CPS1: variants seen among roughly 807,000 people sequenced by gnomAD.
The protein encoded by CPS1 is carbamoyl-phosphate synthase 1, also known as carbamoyl-phosphate synthase [ammonia], mitochondrial.
In CPS1, 109 loss-of-function variants were observed where a neutral mutation model predicts 174.6. That is an observed-to-expected ratio of 0.62 (90% CI 0.53 to 0.73). The LOEUF is 0.73. Ranked by LOEUF, CPS1 falls within the 30% of genes least tolerant of loss-of-function variation. CPS1 has a pLI of 0.00. For missense variants in CPS1, 1,689 were observed against 1,821.9 expected (o/e 0.93, Z 1.33); for synonymous variants, 637 against 632.0 (o/e 1.01, Z -0.12).
intron 1 of CPS1, among the ~76,000 whole-genome samples, chr2:210,478,936 C>CCCT (rs1340384510): frequency 2.8e-5 from 1 of 35,140 alleles, no homozygotes; most frequent in African/African-American, 5.3e-5. Context: ...CTTCCCCCCT[C>CCCT]CCTTCCCTCC....
At chr2:210,669,307 A>G (rs964996561) in intron 34 of CPS1, among the ~76,000 whole-genome samples, 5 of 152,174 alleles carry the variant, frequency 3.3e-5, no homozygotes, top group Non-Finnish European at 7.4e-5. Context: ...TCCTGAAAAA[A>G]TACTAGAGGC....
At chr2:210,534,055 T>A (rs1375525093) in intron 1 of CPS1, among the ~76,000 whole-genome samples, 1 of 152,196 alleles carries the variant, frequency 6.6e-6, no homozygotes, top group African/African-American at 2.4e-5. Context: ...AAAGTGTAAT[T>A]TGAGTGATAC....
chr2:210,640,105 T>C (rs1330174730), intron 24 of CPS1, 46 bp downstream of exon 24: 1 of 1,178,858 alleles, frequency 8.5e-7, no homozygotes, highest in Non-Finnish European at 1.3e-6. Flanking sequence ...ACAATTTATA[T>C]AGTTTTCTTC....
At chr2:210,531,007 A>G (rs866031551) in intron 1 of CPS1, among the ~76,000 whole-genome samples, 7 of 152,090 alleles carry the variant, frequency 4.6e-5, no homozygotes, top group African/African-American at 1.7e-4. Context: ...ATTCTTAAGT[A>G]TTGTTTAAAT....
At chr2:210,665,101 A>T (rs1701048050) in intron 33 of CPS1, among the ~76,000 whole-genome samples, 3 of 152,198 alleles carry the variant, frequency 2.0e-5, no homozygotes, top group Admixed American at 1.3e-4. Context: ...GGATTACCCA[A>T]TTCTTTTCAA....
At chr2:210,626,264 A>G (rs1438662129) in intron 21 of CPS1, among the ~76,000 whole-genome samples, 1 of 152,134 alleles carries the variant, frequency 6.6e-6, no homozygotes, top group Admixed American at 6.6e-5. Flanking sequence ...TTGTATAAAC[A>G]CTCAACAATA....
intron 1 of CPS1, among the ~76,000 whole-genome samples, chr2:210,512,146 A>G (rs1695511170): frequency 6.6e-6 from 1 of 152,034 alleles, no homozygotes; most frequent in Non-Finnish European, 1.5e-5. Flanking sequence ...AAAGCCCGAA[A>G]CATGGATGGT....
chr2:210,635,466 C>T (rs1239509341), intron 21 of CPS1, among the ~76,000 whole-genome samples: 1 of 152,192 alleles, frequency 6.6e-6, no homozygotes, highest in Non-Finnish European at 1.5e-5. Flanking sequence ...ATGAAATATT[C>T]TGTAATCTGC....
chr2:210,533,687 T>C (rs2106003445), intron 1 of CPS1, among the ~76,000 whole-genome samples: 1 of 152,284 alleles, frequency 6.6e-6, no homozygotes, highest in South Asian at 2.1e-4. Context: ...TCTGTAAAAC[T>C]ATAAAAACTC....
chr2:210,669,154 A>C (rs1410578996), intron 34 of CPS1, among the ~76,000 whole-genome samples: 2 of 152,182 alleles, frequency 1.3e-5, no homozygotes, highest in Non-Finnish European at 2.9e-5. Flanking sequence ...CTGTCAATTT[A>C]TTGATGTAAG....
chr2:210,599,379 A>G lies in CPS1; in HGVS notation c.1367A>G (p.Asn456Ser), dbSNP rs1173795099. 6.2e-7 allele frequency: 1 copy of G among 1,612,088 alleles called. No individual in the cohort carries two copies. Among genetic ancestry groups the G allele is most frequent in the Non-Finnish European group, 8.5e-7 (1 of 1,178,826 alleles). ...TTCTTTTGTTTCTTTCAGGAAGAAA[A>G]TGTCAAAACTGTTCTGATGAACCCA... is the stretch of plus-strand genomic sequence containing the variant. ...SQAVKAMKEE[N>S]VKTVLMNPNI... The change falls in exon 14 of 38, where the codon AAT (asparagine) becomes AGT (serine). Residue 456 changes from asparagine (N) to serine (S), a missense_variant. Coordinates refer to ENST00000233072, the MANE Select transcript of CPS1 (RefSeq NM_001875.5).
At chr2:210,518,385 G>A (rs1449801300) in intron 1 of CPS1, among the ~76,000 whole-genome samples, 1 of 151,942 alleles carries the variant, frequency 6.6e-6, no homozygotes, top group East Asian at 1.9e-4. Context: ...TAGATGCGTG[G>A]TTAGAATAAA....
rs1274481683 is a variant in CPS1 at position 210,678,873 on chromosome 2, A to G, written c.*888A>G. The G allele has an allele frequency of 6.6e-6, 1 of 152,178 alleles. No homozygotes were observed. The highest frequency in any genetic ancestry group is 2.4e-5 in the African/African-American group (1 of 41,434). The allele number at this position is 152,178 out of a possible 1,614,324, so 9.4% of individuals were successfully genotyped here. On this transcript the variant is annotated 3_prime_UTR_variant, in exon 38 of 38. Transcript: ENST00000233072. The stretch of plus-strand genomic sequence containing the variant: ...ATTTTTGTCATTCACACTCTCCCCC[A>G]GTTTTGGAATAACTTGGAAGTAAGG...
chr2:210,555,197 GGCTATT>G (rs1349947775), upstream of CPS1, among the ~76,000 whole-genome samples: 19 of 151,836 alleles, frequency 1.3e-4, no homozygotes, highest in Admixed American at 2.0e-4. Flanking sequence ...CATGCCTCTA[GGCTATT>G]GCTCATGCCA....
Position 210,595,528 on chromosome 2 carries a change from T to C in CPS1, c.1305T>C (p.Ile435=). 5 of 1,611,636 alleles carry C rather than the reference T, an allele frequency of 3.1e-6. No individual in the cohort carries two copies. Among genetic ancestry groups the C allele is most frequent in the Non-Finnish European group, 4.2e-6 (5 of 1,178,430 alleles). Residue 435 remains isoleucine (I), a synonymous_variant, in exon 13 of 38, where the codon ATT becomes ATC. Transcript: ENST00000233072. Reference sequence around the variant, plus strand: ...TTCTAGGATCAGGAGGTCTGTCCATTGGTCAGGCTGGAGAATTTGATTACT... The same window carrying C: ...TTCTAGGATCAGGAGGTCTGTCCATCGGTCAGGCTGGAGAATTTGATTACT... ...VLILGSGGLS[I]GQAGEFDYSG...
Position 210,677,965 on chromosome 2 carries a change from A to G in CPS1, c.4483A>G (p.Ser1495Gly), listed in dbSNP as rs1268925956. The change falls in exon 38 of 38, where the codon AGT becomes GGT. Residue 1495 changes from serine to glycine, a missense_variant. Transcript: ENST00000233072. ...SKSLFHYRQY[S>G]AGKAA is the part of the protein sequence containing the mutation. Reference sequence around the variant, plus strand: ...GAGTCTTTTCCACTACAGGCAGTACAGTGCTGGAAAAGCAGCATAGAGATG... The same window carrying G: ...GAGTCTTTTCCACTACAGGCAGTACGGTGCTGGAAAAGCAGCATAGAGATG... 2.5e-6 allele frequency: 4 copies of G among 1,613,716 alleles called. No homozygotes were observed. Among genetic ancestry groups the G allele is most frequent in the Non-Finnish European group, 3.4e-6 (4 of 1,179,702 alleles).
At chr2:210,531,626 G>A (rs1016524578) in intron 1 of CPS1, among the ~76,000 whole-genome samples, 11 of 152,210 alleles carry the variant, frequency 7.2e-5, no homozygotes, top group African/African-American at 1.2e-4. Flanking sequence ...AGTAAAGGTC[G>A]TTTATCGGGA....
chr2:210,611,153 A>T (rs1487238615), intron 19 of CPS1, among the ~76,000 whole-genome samples: 1 of 151,702 alleles, frequency 6.6e-6, no homozygotes, highest in African/African-American at 2.4e-5. Context: ...GCTCTTGTAA[A>T]TTTTCCCTTA....
At chr2:210,574,047 C>T (rs796861689) in intron 2 of CPS1, among the ~76,000 whole-genome samples, 4 of 151,928 alleles carry the variant, frequency 2.6e-5, no homozygotes, top group Non-Finnish European at 5.9e-5. Flanking sequence ...AATTAAGTGG[C>T]TGCTTTTACC....
Sources: allele counts gnomAD v4.1 joint callset (sites outside exome capture counted in the v4.1 genomes callset), GRCh38; gene constraint gnomAD v4.1.1; transcripts MANE v1.5; gene names NCBI Gene and HGNC (gene_info 2026-07-23, HGNC 2026-07-21).